Variants in SLC6A6 observed in about 807,000 individuals in gnomAD.
The protein encoded by SLC6A6 is solute carrier family 6 member 6, also known as sodium- and chloride-dependent taurine transporter.
SLC6A6 carries 16 observed loss-of-function variants against 68.8 expected under a neutral mutation model. That is an observed-to-expected ratio of 0.23 (90% CI 0.16 to 0.35). The LOEUF (loss-of-function observed/expected upper bound fraction) is 0.35. Ranked by LOEUF, SLC6A6 falls within the 10% of genes least tolerant of loss-of-function variation. SLC6A6 has a pLI of 1.00. For missense variants in SLC6A6, 474 were observed against 802.8 expected (o/e 0.59, Z 4.95); for synonymous variants, 312 against 315.4 (o/e 0.99, Z 0.12).
chr3:14,429,103 C>G (rs1264506258), intron 2 of SLC6A6, among the ~76,000 whole-genome samples: 1 of 152,214 alleles, frequency 6.6e-6, no homozygotes, highest in East Asian at 1.9e-4. Flanking sequence ...ACATGCAGGC[C>G]TCACTCAGCT....
chr3:14,426,480 G>A (rs960667115), intron 2 of SLC6A6, among the ~76,000 whole-genome samples: 3 of 152,214 alleles, frequency 2.0e-5, no homozygotes, highest in South Asian at 4.1e-4. Context: ...AAAGCATTTC[G>A]AGTGTGCTTT....
chr3:14,448,834 C>A (rs1574942717), intron 5 of SLC6A6, among the ~76,000 whole-genome samples: 2 of 152,288 alleles, frequency 1.3e-5, no homozygotes, highest in Admixed American at 1.3e-4. Flanking sequence ...AGAGGCTGAT[C>A]AAAAATAGGC....
In SLC6A6 at chr3:14,475,478, T is replaced by C. The variant is rs1574964877; in HGVS notation, c.1210-1727T>C. 2.0e-5 allele frequency among the ~76,000 whole-genome samples: 3 copies of C among 152,318 alleles called. No individual in the cohort carries two copies. The South Asian group carries it at 6.2e-4, about 32-fold the overall frequency. On this transcript the variant is annotated intron_variant, in intron 10 of 14. Coordinates refer to ENST00000622186, the MANE Select transcript of SLC6A6 (RefSeq NM_003043.6). ...TTACTCTAATAATTTCAAATCTTTC[T>C]CAACATCCCTGCCAAGTGGACAAGA...
In SLC6A6 at chr3:14,468,036, T is replaced by C. The variant is rs1700662058; in HGVS notation, c.972-52T>C. ...TAAAGAAAAAGAGAAGTAGGGAGCG[T>C]GGCTTCCTTGTGTTGTGAATTAACT... On this transcript the variant is annotated intron_variant, in intron 8 of 14. Transcript: ENST00000622186. The surrounding 1 kb of genome is among the most constrained non-coding windows in gnomAD (Gnocchi z 4.5). 3.7e-6 allele frequency: 6 copies of C among 1,612,862 alleles called. No individual in the cohort carries two copies. The East Asian group carries it at 1.3e-4, about 36-fold the overall frequency.
intron 2 of SLC6A6, among the ~76,000 whole-genome samples, chr3:14,430,764 C>T (rs963383707): frequency 2.9e-4 from 44 of 152,224 alleles, no homozygotes; most frequent in African/African-American, 1.0e-3. Flanking sequence ...TTGGGGTTGT[C>T]GGGAATGTCC....
At chr3:14,418,820 A>T (rs1314850100) in intron 2 of SLC6A6, among the ~76,000 whole-genome samples, 1 of 152,172 alleles carries the variant, frequency 6.6e-6, no homozygotes, top group African/African-American at 2.4e-5. Context: ...CAGAAAACTG[A>T]GGCTTGGAGA....
At chr3:14,412,078 G>A (rs917332780) in intron 1 of SLC6A6, among the ~76,000 whole-genome samples, 7 of 152,224 alleles carry the variant, frequency 4.6e-5, no homozygotes, top group African/African-American at 1.7e-4. Context: ...GTGTTTAAGG[G>A]AAATACCTTC....
rs940288684 is a variant in SLC6A6 at position 14,416,408 on chromosome 3, A to G, written c.-53-4A>G. On this transcript the variant is annotated splice_region_variant and splice_polypyrimidine_tract_variant and intron_variant, in intron 1 of 14. Coordinates refer to ENST00000622186, the MANE Select transcript of SLC6A6 (RefSeq NM_003043.6). ...TCCGTCTTCGCTTCCTCTCTTTGCA[A>G]TAGATCCAGAACCAGAACCACAGCC... 18 of 398,580 alleles carry G rather than the reference A, an allele frequency of 4.5e-5. No individual in the cohort carries two copies. The highest frequency in any genetic ancestry group is 1.0e-4 in the African/African-American group (5 of 48,582). The allele number at this position is 398,580 out of a possible 1,614,324, so 24.7% of individuals were successfully genotyped here. A position where few individuals can be genotyped will look rare whatever the true frequency, so the allele number is the denominator to read the frequency against.
At chr3:14,435,285 G>C (rs1054566872) in intron 2 of SLC6A6, among the ~76,000 whole-genome samples, 2 of 152,202 alleles carry the variant, frequency 1.3e-5, no homozygotes, top group African/African-American at 4.8e-5. Flanking sequence ...GAGGCCGGGG[G>C]TGAGGTAGAG....
At chr3:14,427,500 A>G (rs1363909632) in intron 2 of SLC6A6, among the ~76,000 whole-genome samples, 5 of 152,066 alleles carry the variant, frequency 3.3e-5, no homozygotes, top group Admixed American at 6.5e-5. Context: ...TCTGCTTACT[A>G]TATGTGAACT....
intron 5 of SLC6A6, 70 bp from the exon 6 acceptor site, chr3:14,457,880 T>C (rs1201889885): frequency 2.0e-6 from 3 of 1,530,242 alleles, no homozygotes; most frequent in South Asian, 1.1e-5. Context: ...CCTGTTAATG[T>C]CCGAGCCTTG....
intron 2 of SLC6A6, among the ~76,000 whole-genome samples, chr3:14,427,284 T>A (rs1442695475): frequency 5.3e-5 from 8 of 152,150 alleles, no homozygotes; most frequent in African/African-American, 1.9e-4. Context: ...TACACTTCTC[T>A]GGGCACCTGG....
intron 13 of SLC6A6, among the ~76,000 whole-genome samples, chr3:14,480,668 C>T (rs1700986751): frequency 6.6e-6 from 1 of 152,266 alleles, no homozygotes; most frequent in Admixed American, 6.5e-5. Flanking sequence ...ATGCATCTTC[C>T]TGTCAAATCC....
intron 1 of SLC6A6, among the ~76,000 whole-genome samples, chr3:14,408,829 C>T (rs537439390): frequency 3.4e-4 from 51 of 151,362 alleles, no homozygotes; most frequent in Non-Finnish European, 4.4e-4. Context: ...GTTTTTGGGA[C>T]GGAGTCTCGC....
intron 2 of SLC6A6, among the ~76,000 whole-genome samples, chr3:14,441,178 G>A (rs1699975487): frequency 1.3e-5 from 2 of 152,082 alleles, no homozygotes; most frequent in Admixed American, 6.5e-5. Context: ...AGCTCCTAGC[G>A]GGGATGGACT....
Position 14,481,628 on chromosome 3 carries a change from GAT to G in SLC6A6, c.1552-42_1552-41del. ...TAGTCCCAGAAGCCCCCCACCCCCC[GAT>G]GCCCAGGACCCCTCTCCTGACTGCC... On this transcript the variant is annotated intron_variant, in intron 13 of 14. Transcript: ENST00000622186. The surrounding 1 kb of genome is among the most constrained non-coding windows in gnomAD (Gnocchi z 4.7). 16 of 645,564 alleles carry G rather than the reference GAT, an allele frequency of 2.5e-5. No individual in the cohort carries two copies. The highest frequency in any genetic ancestry group is 4.1e-5 in the Non-Finnish European group (16 of 391,612). 40.0% of individuals were successfully genotyped at this position (645,564 alleles called of 1,614,324 possible).
intron 6 of SLC6A6, among the ~76,000 whole-genome samples, chr3:14,466,154 C>T (rs1295451104): frequency 2.6e-5 from 4 of 151,424 alleles, no homozygotes; most frequent in African/African-American, 7.3e-5. Flanking sequence ...CCCAGCTACT[C>T]GAGAGGCTGA....
At chr3:14,427,685 T>G (rs1001274948) in intron 2 of SLC6A6, among the ~76,000 whole-genome samples, 1 of 152,086 alleles carries the variant, frequency 6.6e-6, no homozygotes, top group African/African-American at 2.4e-5. Context: ...CAAGGTAACA[T>G]TCCTCTCCTG....
At chr3:14,423,656 A>C (rs540286774) in intron 2 of SLC6A6, among the ~76,000 whole-genome samples, 6 of 152,196 alleles carry the variant, frequency 3.9e-5, no homozygotes, top group African/African-American at 1.2e-4. Flanking sequence ...ATTTGGTGCT[A>C]CTTCTTTGGG....
Sources: allele counts gnomAD v4.1 joint callset (sites outside exome capture counted in the v4.1 genomes callset), GRCh38; gene constraint gnomAD v4.1.1; non-coding constraint Gnocchi (gnomAD v3.1); transcripts MANE v1.5; gene names NCBI Gene and HGNC (gene_info 2026-07-23, HGNC 2026-07-21).